The following ACVR2A variants were observed in gnomAD, a reference collection of about 807,000 sequenced individuals.
The protein encoded by ACVR2A is activin receptor type-2A.
In ACVR2A, 7 loss-of-function variants were observed where a neutral mutation model predicts 61.4. The ratio of observed to expected loss-of-function variants is 0.11; its 90% CI spans 0.06 to 0.21. The LOEUF is 0.21. ACVR2A is among the 10% of genes least tolerant of loss of function. ACVR2A has a pLI of 1.00. For synonymous variants in ACVR2A, 193 were observed against 208.3 expected, an observed-to-expected ratio of 0.93 and a Z score of 0.63; for missense variants, 322 against 621.7, an observed-to-expected ratio of 0.52 and a Z score of 5.13.
chr2:147,845,848 G>A (rs1006378347), intron 1 of ACVR2A, among the ~76,000 whole-genome samples: 1 of 152,138 alleles, frequency 6.6e-6, no homozygotes, highest in Admixed American at 6.5e-5. Context: ...TAATGTGCTG[G>A]CGTTCAACCA....
intron 1 of ACVR2A, among the ~76,000 whole-genome samples, chr2:147,859,648 C>T (rs997243876): frequency 8.6e-5 from 13 of 151,966 alleles, no homozygotes; most frequent in Non-Finnish European, 1.6e-4. Flanking sequence ...AGCCTGTGTT[C>T]CAAGGGTTTG....
At chr2:147,924,072 A>T (rs911348518) in intron 9 of ACVR2A, among the ~76,000 whole-genome samples, 2 of 152,090 alleles carry the variant, frequency 1.3e-5, no homozygotes, top group Admixed American at 6.6e-5. Flanking sequence ...TTGGGAGTCA[A>T]TGCCAAACCT....
chr2:147,893,218 T>C (rs1686633267), intron 1 of ACVR2A, among the ~76,000 whole-genome samples: 1 of 152,200 alleles, frequency 6.6e-6, no homozygotes, highest in East Asian at 1.9e-4. Flanking sequence ...TTCATCCATT[T>C]TGTTGTAGGT....
intron 4 of ACVR2A, among the ~76,000 whole-genome samples, chr2:147,911,684 T>C (rs1054257369): frequency 5.9e-5 from 9 of 152,070 alleles, no homozygotes; most frequent in African/African-American, 2.2e-4. Flanking sequence ...TTTATATATT[T>C]ATGTCATAAA....
At chr2:147,851,758 G>A (rs148099021) in intron 1 of ACVR2A, among the ~76,000 whole-genome samples, 2 of 152,188 alleles carry the variant, frequency 1.3e-5, no homozygotes, top group Admixed American at 6.5e-5. Flanking sequence ...ACTTTAGACT[G>A]TGCAAATGTT....
intron 4 of ACVR2A, among the ~76,000 whole-genome samples, chr2:147,902,654 C>G (rs1454442764): frequency 1.3e-5 from 2 of 151,808 alleles, no homozygotes; most frequent in Non-Finnish European, 2.9e-5. Flanking sequence ...GTTGATGACC[C>G]TTTTTAGAAT....
At chr2:147,908,261 C>A (rs1687036587) in intron 4 of ACVR2A, among the ~76,000 whole-genome samples, 1 of 152,098 alleles carries the variant, frequency 6.6e-6, no homozygotes, top group Non-Finnish European at 1.5e-5. Context: ...AAATAAACTT[C>A]TGTAGCCAGT....
intron 1 of ACVR2A, among the ~76,000 whole-genome samples, chr2:147,858,614 T>C (rs148259464): frequency 1.2e-3 from 189 of 152,348 alleles, no homozygotes; most frequent in Admixed American, 2.3e-3. Context: ...TGTAGTTTCT[T>C]CCATGCCTGG....
In ACVR2A at chr2:147,917,513, C is replaced by T. The variant is rs140472760; in HGVS notation, c.816+87C>T. On this transcript the variant is annotated intron_variant, in intron 6 of 10. Transcript: ENST00000241416. ...CTATAAATCCCTCAGAGTTATTTTT[C>T]GAGACATCTTATAGTTGATTAATAT... 3.5e-4 allele frequency: 483 copies of T among 1,373,754 alleles called. 5 individuals are homozygous for T. The East Asian group carries it at 9.3e-3, about 26-fold the overall frequency. The allele number at this position is 1,373,754 out of a possible 1,614,324, so 85.1% of individuals were successfully genotyped here. A position where few individuals can be genotyped will look rare whatever the true frequency, so the allele number is the denominator to read the frequency against.
chr2:147,898,694 T>C (rs921825424), intron 2 of ACVR2A, among the ~76,000 whole-genome samples: 1 of 152,168 alleles, frequency 6.6e-6, no homozygotes, highest in Non-Finnish European at 1.5e-5. Flanking sequence ...AGTGGCTGAT[T>C]AGGATTTGTT....
At chr2:147,869,261 C>T (rs941918517) in intron 1 of ACVR2A, among the ~76,000 whole-genome samples, 1 of 152,058 alleles carries the variant, frequency 6.6e-6, no homozygotes, top group Non-Finnish European at 1.5e-5. Flanking sequence ...ATTGGTAAAC[C>T]TGGAAGTGTT....
intron 1 of ACVR2A, among the ~76,000 whole-genome samples, chr2:147,873,203 G>A (rs564716496): frequency 3.9e-4 from 59 of 152,020 alleles, no homozygotes; most frequent in Non-Finnish European, 8.4e-4. Flanking sequence ...TAGCACTATG[G>A]AGTGTCTAGA....
At chr2:147,861,711 T>G (rs747371448) in intron 1 of ACVR2A, among the ~76,000 whole-genome samples, 3 of 152,236 alleles carry the variant, frequency 2.0e-5, no homozygotes, top group Non-Finnish European at 4.4e-5. Flanking sequence ...TCCAAAACAC[T>G]TCTGATCCTA....
Position 147,875,483 on chromosome 2 carries a change from C to T in ACVR2A, c.56-20818C>T, listed in dbSNP as rs1277239754. On this transcript the variant is annotated intron_variant, in intron 1 of 10. Transcript: ENST00000241416. ...CATAACTAATAGAATCTCTTTTTTC[C>T]CCTGTGGAAATAAAAAAACTGCTTA... Among the ~76,000 whole-genome samples the T allele has an allele frequency of 2.0e-5, 3 of 151,524 alleles. No homozygotes were observed. In the East Asian group the frequency reaches 5.8e-4, roughly 29 times the overall value.
Position 147,929,562 on chromosome 2 carries a change from C to CTATTAT in ACVR2A, c.*2291_*2296dup, listed in dbSNP as rs1207944554. The CTATTAT allele has an allele frequency of 6.6e-5, 10 of 152,284 alleles. No homozygotes were observed. Among genetic ancestry groups the CTATTAT allele is most frequent in the African/African-American group, 2.4e-4 (10 of 41,350 alleles). The allele number at this position is 152,284 out of a possible 1,614,324, so 9.4% of individuals were successfully genotyped here. A position where few individuals can be genotyped will look rare whatever the true frequency, so the allele number is the denominator to read the frequency against. On this transcript the variant is annotated 3_prime_UTR_variant, in exon 11 of 11. Transcript: ENST00000241416. ...TTTAAAACTTGTATTCTTTTGAGAA[C>CTATTAT]TATTATTAATAGAAAAACTTTTTAT... is the stretch of plus-strand genomic sequence containing the variant.
chr2:147,882,707 G>A (rs1228531038), intron 1 of ACVR2A, among the ~76,000 whole-genome samples: 1 of 152,120 alleles, frequency 6.6e-6, no homozygotes, highest in Non-Finnish European at 1.5e-5. Context: ...TGCTAGTTGT[G>A]CTTTTAGTTT....
At chr2:147,918,251 C>T (rs1198647846) in intron 6 of ACVR2A, among the ~76,000 whole-genome samples, 196 bp from the exon 7 acceptor site, 2 of 150,668 alleles carry the variant, frequency 1.3e-5, no homozygotes, top group Non-Finnish European at 3.0e-5. Flanking sequence ...TCTGGTATTT[C>T]CTTCTGGTCA....
At chr2:147,915,929 G>A (rs188882724) in intron 5 of ACVR2A, among the ~76,000 whole-genome samples, 3 of 151,746 alleles carry the variant, frequency 2.0e-5, no homozygotes, top group South Asian at 2.1e-4. Flanking sequence ...TGTTCCGTTG[G>A]TGGTATAGAT....
chr2:147,892,861 T>C (rs1224124002), intron 1 of ACVR2A, among the ~76,000 whole-genome samples: 3 of 151,996 alleles, frequency 2.0e-5, no homozygotes, highest in Non-Finnish European at 4.4e-5. Context: ...ATACCATAAC[T>C]CAAGATATGG....
Sources: allele counts gnomAD v4.1 joint callset (sites outside exome capture counted in the v4.1 genomes callset), GRCh38; gene constraint gnomAD v4.1.1; transcripts MANE v1.5; gene names NCBI Gene and HGNC (gene_info 2026-07-23, HGNC 2026-07-21).